The following KRT85 variants were observed in gnomAD, a reference collection of about 807,000 sequenced individuals.
KRT85 encodes keratin 85, also known as keratin, type II cuticular Hb5.
KRT85 carries 39 observed loss-of-function variants against 53.7 expected under a neutral mutation model. The observed-to-expected ratio is 0.73, with a 90% confidence interval of 0.56 to 0.95. The LOEUF is 0.95. Among genes scored for constraint, KRT85 ranks in the 40% least tolerant of loss-of-function variants. KRT85 has a pLI of 0.00. For missense variants in KRT85, 668 were observed against 686.0 expected (o/e 0.97, Z 0.29); for synonymous variants, 291 against 277.5 (o/e 1.05, Z -0.48).
Position 52,362,934 on chromosome 12 carries a change from G to T in KRT85, c.997C>A (p.Arg333Ser). 7 of 1,614,088 alleles carry T rather than the reference G, an allele frequency of 4.3e-6. No homozygotes were observed. The highest frequency in any genetic ancestry group is 8.5e-7 in the Non-Finnish European group (1 of 1,180,026). Residue 333 changes from arginine (R) to serine (S), a missense_variant, in exon 6 of 9, where the codon CGC (arginine) becomes AGC (serine). Arg to Ser is a moderately radical substitution (Grantham distance 110). Transcript: ENST00000257901. ...ATVIRHGETL[R>S]RTKEEINELN... ...TCGTTGATCTCCTCCTTGGTGCGGC[G>T]CAGGGTCTCCCCATGCCTGATCACC...
intron 4 of KRT85, 61 bp from the exon 5 acceptor site, chr12:52,363,471 C>T (rs1251512200): frequency 6.3e-7 from 1 of 1,590,376 alleles, no homozygotes; most frequent in Non-Finnish European, 8.6e-7. Flanking sequence ...CGTGATCCAC[C>T]CCAGGGGACA....
chr12:52,364,883 G>A (rs1468322072), intron 2 of KRT85, 79 bp downstream of exon 2: 4 of 1,609,034 alleles, frequency 2.5e-6, no homozygotes, highest in Non-Finnish European at 3.4e-6. Flanking sequence ...GAAAGAAGCT[G>A]TGGCAAGAGG....
intron 6 of KRT85, 76 bp downstream of exon 6, chr12:52,362,778 C>A: frequency 1.2e-6 from 2 of 1,609,264 alleles, no homozygotes; most frequent in Middle Eastern, 3.3e-4. Context: ...TCCTCATGGG[C>A]ACACTGTGAA....
intron 4 of KRT85, among the ~76,000 whole-genome samples, chr12:52,363,704 G>A (rs1234765081): frequency 6.6e-6 from 1 of 152,202 alleles, no homozygotes; most frequent in Non-Finnish European, 1.5e-5. Flanking sequence ...TGGAGGCTAG[G>A]ATGAGTGATT....
At chr12:52,362,165 G>T (rs1383900167) in intron 7 of KRT85, 86 bp downstream of exon 7, 38 of 1,567,226 alleles carry the variant, frequency 2.4e-5, no homozygotes, top group Non-Finnish European at 3.2e-5. Context: ...GGCCAGAGTT[G>T]TAGCTCACAC....
intron 4 of KRT85, 32 bp from the exon 5 acceptor site, chr12:52,363,442 T>C (rs778418922): frequency 6.2e-7 from 1 of 1,613,820 alleles, no homozygotes; most frequent in South Asian, 1.1e-5. Context: ...CATTTGCTTC[T>C]AGTGCCTGAT....
intron 6 of KRT85, 41 bp from the exon 7 acceptor site, chr12:52,362,512 G>A (rs1199384932): frequency 6.2e-7 from 1 of 1,608,040 alleles, no homozygotes; most frequent in Non-Finnish European, 8.5e-7. Context: ...AGAAAGAGAA[G>A]CCACAGCTTG....
At position 52,362,287 on chromosome 12, in the gene KRT85, G is replaced by A; in HGVS notation, c.1262C>T (p.Ala421Val). The A allele has an allele frequency of 6.2e-7, 1 of 1,614,072 alleles. No homozygotes were observed. The highest frequency in any genetic ancestry group is 8.5e-7 in the Non-Finnish European group (1 of 1,179,998). Residue 421 changes from alanine to valine, a missense_variant, in exon 7 of 9, where the codon GCC becomes GTC. Transcript: ENST00000257901. ...NSKLGLDIEIATYRRLLEGEE... is the reference protein window; with the variant it reads ...NSKLGLDIEIVTYRRLLEGEE... ...GCCCTCCAGCAGGCGCCTGTAGGTG[G>A]CGATCTCGATGTCCAGGCCCAGCTT...
rs1205317504 is a variant in KRT85 at position 52,367,028 on chromosome 12, C to G, written c.378G>C (p.Gln126His). ...CGAACCTGCTGTTGAGGGACTTGAT[C>G]TGCTCCTTCTCCTCCTGCTTCACGC... is the stretch of plus-strand genomic sequence containing the variant. Reference protein sequence around the residue: ...AQCVKQEEKEQIKSLNSRFAA... With the variant: ...AQCVKQEEKEHIKSLNSRFAA... Residue 126 changes from glutamine to histidine, a missense_variant, in exon 1 of 9, where the codon CAG (glutamine) becomes CAC (histidine). Gln to His is a conservative substitution (Grantham distance 24, BLOSUM62 0). This residue lies in a region of KRT85 where 22 missense variants were observed against 46.0 expected (regional missense o/e 0.48). Transcript: ENST00000257901. The G allele has an allele frequency of 3.1e-6, 5 of 1,613,938 alleles. No homozygotes were observed. The highest frequency in any genetic ancestry group is 4.2e-6 in the Non-Finnish European group (5 of 1,179,882).
At chr12:52,363,127 G>T in intron 5 of KRT85, 119 bp downstream of exon 5, 1 of 1,552,098 alleles carries the variant, frequency 6.4e-7, no homozygotes. Context: ...GAGAACTACT[G>T]GCTTTTCTCA....
Position 52,364,295 on chromosome 12 carries a change from C to G in KRT85, c.690+11G>C. ...GGCCCCCTCCTCCTTGCCCCATGACCAGCCCCTCACCTTCTTTAGAACGAC... is the reference window on the plus strand; with the variant it reads ...GGCCCCCTCCTCCTTGCCCCATGACGAGCCCCTCACCTTCTTTAGAACGAC... On this transcript the variant is annotated intron_variant, in intron 3 of 8. Transcript: ENST00000257901. The G allele has an allele frequency of 6.2e-7, 1 of 1,614,186 alleles. No individual in the cohort carries two copies. The highest frequency in any genetic ancestry group is 2.2e-5 in the East Asian group (1 of 44,878).
Position 52,360,752 on chromosome 12 carries a change from A to G in KRT85, c.*101T>C. The G allele has an allele frequency of 3.8e-6, 5 of 1,327,010 alleles. No homozygotes were observed. The South Asian group carries it at 5.9e-5, about 16-fold the overall frequency. 82.2% of individuals were successfully genotyped at this position (1,327,010 alleles called of 1,614,324 possible). A position where few individuals can be genotyped will look rare whatever the true frequency, so the allele number is the denominator to read the frequency against. ...TCTTTCCCTCTGTAGGAACATCCAG[A>G]AGATTCTGGAAGCAAGCACACATTT... On this transcript the variant is annotated 3_prime_UTR_variant, in exon 9 of 9. Coordinates refer to ENST00000257901, the MANE Select transcript of KRT85 (RefSeq NM_002283.4).
At chr12:52,362,118 T>G in intron 7 of KRT85, 133 bp downstream of exon 7, 7 of 1,075,666 alleles carry the variant, frequency 6.5e-6, no homozygotes, top group Non-Finnish European at 8.4e-6. Context: ...CATTCAGTTA[T>G]TATTATTATT....
intron 8 of KRT85, 26 bp from the exon 9 acceptor site, chr12:52,361,072 G>C (rs1277950466): frequency 3.8e-6 from 6 of 1,583,344 alleles, no homozygotes; most frequent in Non-Finnish European, 5.2e-6. Context: ...ACATGGAGGG[G>C]TGAGCAGCTC....
At position 52,360,072 on chromosome 12, in the gene KRT85, A is replaced by G. The variant is rs1163216886; in HGVS notation, c.*781T>C. 1 of 153,198 alleles carries G rather than the reference A, an allele frequency of 6.5e-6. No individual in the cohort carries two copies. Among genetic ancestry groups the G allele is most frequent in the Admixed American group, 6.5e-5 (1 of 15,322 alleles). 9.5% of individuals were successfully genotyped at this position (153,198 alleles called of 1,614,324 possible). A position where few individuals can be genotyped will look rare whatever the true frequency, so the allele number is the denominator to read the frequency against. ...CCCAGAAGGCAATGCACCCATAGAC[A>G]GTCACAAGAAGGAGACCCAGGAAGT... is the stretch of plus-strand genomic sequence containing the variant. On this transcript the variant is annotated 3_prime_UTR_variant, in exon 9 of 9. Coordinates refer to ENST00000257901, the MANE Select transcript of KRT85 (RefSeq NM_002283.4).
rs1315928363 is a variant in KRT85, at chr12:52,362,898, T to C, written c.1033A>G (p.Met345Val). ...ATCTCGGCCGTCAGCCTCTGGATCA[T>C]GCGGTTCAGCTCGTTGATCTCCTCC... ...TKEEINELNR[M>V]IQRLTAEIEN... is the part of the protein sequence containing the mutation. The change falls in exon 6 of 9, where the codon ATG becomes GTG. Residue 345 changes from methionine to valine, a missense_variant. Met to Val is a conservative substitution (Grantham distance 21). Coordinates refer to ENST00000257901, the MANE Select transcript of KRT85 (RefSeq NM_002283.4). The C allele has an allele frequency of 1.2e-5, 20 of 1,614,156 alleles. No individual in the cohort carries two copies. Among genetic ancestry groups the C allele is most frequent in the Non-Finnish European group, 1.7e-5 (20 of 1,180,026 alleles).
rs147833952 is a variant in KRT85, at chr12:52,364,442, T to C, written c.630-76A>G. On this transcript the variant is annotated intron_variant, in intron 2 of 8. Transcript: ENST00000257901. ...CCATCCCAACTCCTGGGCAAGTTCTTCCGGGGATTGAAAAGGGATTAATCC... is the reference window on the plus strand; with the variant it reads ...CCATCCCAACTCCTGGGCAAGTTCTCCCGGGGATTGAAAAGGGATTAATCC... 98 of 1,613,066 alleles carry C rather than the reference T, an allele frequency of 6.1e-5. No homozygotes were observed. The African/African-American group carries it at 1.2e-3, about 19-fold the overall frequency.
rs766483313 is a variant in KRT85 at position 52,367,049 on chromosome 12, C to T, written c.357G>A (p.Val119=). ...NLEIDPNAQC[V]KQEEKEQIKS... is the part of the protein sequence containing the mutation. ...TGATCTGCTCCTTCTCCTCCTGCTT[C>T]ACGCACTGTGCGTTGGGGTCGATCT... is the stretch of plus-strand genomic sequence containing the variant. Residue 119 remains valine (V), a synonymous_variant, in exon 1 of 9, where the codon GTG becomes GTA. Transcript: ENST00000257901. 6.8e-6 allele frequency: 11 copies of T among 1,613,846 alleles called. No individual in the cohort carries two copies. Among genetic ancestry groups the T allele is most frequent in the Admixed American group, 1.7e-5 (1 of 60,026 alleles).
rs377470692 is a variant in KRT85 at position 52,362,828 on chromosome 12, G to A, written c.1077+26C>T. ...AGGTGCTGCAGCCTGCCTGTGCTGC[G>A]TATTTGAATCCTCCACAGACCCCAC... On this transcript the variant is annotated intron_variant, in intron 6 of 8. Transcript: ENST00000257901. 50 of 1,614,136 alleles carry A rather than the reference G, an allele frequency of 3.1e-5. No individual in the cohort carries two copies. In the South Asian group the frequency reaches 3.4e-4, roughly 11 times the overall value.
Sources: allele counts gnomAD v4.1 joint callset (sites outside exome capture counted in the v4.1 genomes callset), GRCh38; gene constraint gnomAD v4.1.1; regional missense constraint gnomAD v4.1.1; transcripts MANE v1.5; gene names NCBI Gene and HGNC (gene_info 2026-07-23, HGNC 2026-07-21).